Variants in PRKRA observed in about 807,000 individuals in gnomAD.
The protein encoded by PRKRA is interferon-inducible double-stranded RNA-dependent protein kinase activator A.
Under a neutral mutation model 32.4 loss-of-function variants are expected in PRKRA, and 22 were observed. The ratio of observed to expected loss-of-function variants is 0.68; its 90% CI spans 0.49 to 0.97. PRKRA has a LOEUF of 0.97. Ranked by LOEUF, PRKRA falls within the 50% of genes least tolerant of loss-of-function variation. The probability of loss-of-function intolerance (pLI) is 0.00; values close to 1 mark genes in which losing one functional copy is unlikely to be tolerated. For missense variants in PRKRA, 319 were observed against 375.6 expected, an observed-to-expected ratio of 0.85 and a Z score of 1.25; for synonymous variants, 139 against 129.8, an observed-to-expected ratio of 1.07 and a Z score of -0.48.
At chr2:178,448,509 A>C (rs982751207) in intron 2 of PRKRA, among the ~76,000 whole-genome samples, 9 of 152,284 alleles carry the variant, frequency 5.9e-5, no homozygotes, top group Admixed American at 1.3e-4. Context: ...AACAAGCCTA[A>C]GTGCAGGCTG....
chr2:178,450,512 CG>C, intron 1 of PRKRA, 101 bp from the exon 2 acceptor site: 1 of 1,418,300 alleles, frequency 7.1e-7, no homozygotes, highest in Non-Finnish European at 9.5e-7. Flanking sequence ...ACGAGGGAGG[CG>C]CCGAGTTCCC....
intron 1 of PRKRA, 67 bp downstream of exon 1, chr2:178,450,899 C>T (rs1181173630): frequency 1.2e-5 from 18 of 1,507,540 alleles, no homozygotes; most frequent in Non-Finnish European, 8.8e-7. Context: ...GGAGGGCCGG[C>T]TCCCCGCGCC....
In PRKRA at chr2:178,450,382, C is replaced by T. The variant is rs1265889947; in HGVS notation, c.95G>A (p.Gly32Glu). ...GTGTAATACCTGAATCGGTGTTTTC[C>T]CTGGCTTAGCTGTTATCATCTTCCC... ...SLGKMITAKP[G>E]KTPIQVLHEY... is the part of the protein sequence containing the mutation. The change falls in exon 2 of 8, where the codon GGG (glycine) becomes GAG (glutamate). Residue 32 changes from glycine (G) to glutamate (E), a missense_variant. Gly to Glu is a moderately conservative substitution (Grantham distance 98). Transcript: ENST00000325748. 1 of 1,614,250 alleles carries T rather than the reference C, an allele frequency of 6.2e-7. No homozygotes were observed. Among genetic ancestry groups the T allele is most frequent in the Non-Finnish European group, 8.5e-7 (1 of 1,180,042 alleles).
At chr2:178,439,454 T>G (rs979333026) in intron 6 of PRKRA, 2 of 152,246 alleles carry the variant, frequency 1.3e-5, no homozygotes, top group African/African-American at 4.8e-5. Context: ...ATTGATTTTG[T>G]ATATTAATTT....
At chr2:178,441,475 A>G (rs1330005952) in intron 6 of PRKRA, 135 bp downstream of exon 6, 4 of 724,652 alleles carry the variant, frequency 5.5e-6, no homozygotes, top group Non-Finnish European at 9.4e-6. Context: ...AAAATGGGGT[A>G]GGGTATAACT....
intron 1 of PRKRA, 29 bp from the exon 2 acceptor site, chr2:178,450,440 G>A (rs911912217): frequency 6.2e-7 from 1 of 1,614,046 alleles, no homozygotes. Flanking sequence ...GGTGTGCTTT[G>A]CATGCCAAAT....
rs760658905 is a variant in PRKRA, at chr2:178,447,600, TA to T, written c.236-15del. The T allele has an allele frequency of 2.5e-6, 2 of 794,736 alleles. No homozygotes were observed. The highest frequency in any genetic ancestry group is 3.7e-5 in the Admixed American group (1 of 27,044). The allele number at this position is 794,736 out of a possible 1,614,324, so 49.2% of individuals were successfully genotyped here. A position where few individuals can be genotyped will look rare whatever the true frequency, so the allele number is the denominator to read the frequency against. On this transcript the variant is annotated splice_polypyrimidine_tract_variant and intron_variant, in intron 2 of 7. Transcript: ENST00000325748. ...TTGTACCTTCACCTGAATTAAGATTTAAAAAAAGAAGTCTTTATCTCCCACA... is the reference window on the plus strand; with the variant it reads ...TTGTACCTTCACCTGAATTAAGATTTAAAAAAGAAGTCTTTATCTCCCACA...
intron 3 of PRKRA, 55 bp from the exon 4 acceptor site, chr2:178,444,555 A>G: frequency 9.6e-7 from 1 of 1,043,902 alleles, no homozygotes; most frequent in Non-Finnish European, 1.3e-6. Context: ...GAATTATGAA[A>G]TAAATGACAA....
At chr2:178,447,697 T>C in intron 2 of PRKRA, 111 bp from the exon 3 acceptor site, 1 of 1,183,668 alleles carries the variant, frequency 8.4e-7, no homozygotes, top group Non-Finnish European at 1.2e-6. Context: ...ATACACATAC[T>C]AGGTAATAAA....
At chr2:178,433,723 A>C in intron 7 of PRKRA, 1 of 152,140 alleles carries the variant, frequency 6.6e-6, no homozygotes, top group East Asian at 1.9e-4. Flanking sequence ...CCTGGGTTCC[A>C]GCGATGCTCA....
rs953440732 is a variant in PRKRA at position 178,450,662 on chromosome 2, C to G, written c.66-251G>C. 8.4e-6 allele frequency: 12 copies of G among 1,433,308 alleles called. No individual in the cohort carries two copies. In the African/African-American group the frequency reaches 1.7e-4, roughly 21 times the overall value. 88.8% of individuals were successfully genotyped at this position (1,433,308 alleles called of 1,614,324 possible). A position where few individuals can be genotyped will look rare whatever the true frequency, so the allele number is the denominator to read the frequency against. On this transcript the variant is annotated intron_variant, in intron 1 of 7. Coordinates refer to ENST00000325748, the MANE Select transcript of PRKRA (RefSeq NM_003690.5). ...GAATGCGGGTAGGAGAGATTCTCAA[C>G]AGAACAGGGCTGGCAGCAGCGCCGC...
At chr2:178,450,671 G>A (rs1289498710) in intron 1 of PRKRA, 2 of 1,425,018 alleles carry the variant, frequency 1.4e-6, no homozygotes, top group South Asian at 1.6e-5. Context: ...ACAGAACAGG[G>A]CTGGCAGCAG....
In PRKRA at chr2:178,446,080, T is replaced by C. The variant is rs1286083610; in HGVS notation, c.317+1425A>G. 2.6e-5 allele frequency among the ~76,000 whole-genome samples: 4 copies of C among 151,804 alleles called. No homozygotes were observed. In the East Asian group the frequency reaches 5.8e-4, roughly 22 times the overall value. ...CACAGGCTGGAGTGCAGGGGCACAATCTTAGCTTACTGCAATCTCCGCCTC... is the reference window on the plus strand; with the variant it reads ...CACAGGCTGGAGTGCAGGGGCACAACCTTAGCTTACTGCAATCTCCGCCTC... On this transcript the variant is annotated intron_variant, in intron 3 of 7. Coordinates refer to ENST00000325748, the MANE Select transcript of PRKRA (RefSeq NM_003690.5).
In PRKRA at chr2:178,436,334, T is replaced by G; in HGVS notation, c.610-15A>C. 6.2e-7 allele frequency: 1 copy of G among 1,609,682 alleles called. No individual in the cohort carries two copies. The highest frequency in any genetic ancestry group is 2.2e-5 in the East Asian group (1 of 44,688). On this transcript the variant is annotated splice_polypyrimidine_tract_variant and intron_variant, in intron 6 of 7. Transcript: ENST00000325748. The stretch of plus-strand genomic sequence containing the variant: ...ACTACATTTGTCTGAAAAACAGAGA[T>G]GAAGATTTAGACTCTTGACTAGGAC...
At chr2:178,438,613 T>C (rs1696995540) in intron 6 of PRKRA, among the ~76,000 whole-genome samples, 1 of 152,170 alleles carries the variant, frequency 6.6e-6, no homozygotes, top group Non-Finnish European at 1.5e-5. Context: ...TTCTTGGCTA[T>C]TCTTGAGGGT....
chr2:178,440,193 AATGCAGTGTTTTAT>A (rs1277797891), intron 6 of PRKRA: 1 of 152,198 alleles, frequency 6.6e-6, no homozygotes, highest in African/African-American at 2.4e-5. Context: ...AAAAGCAGTA[AATGCAGTGTTTTAT>A]ATTTTTCTAT....
Position 178,441,620 on chromosome 2 carries a change from T to C in PRKRA, c.599A>G (p.His200Arg). ...AKFSNISPEN[H>R]ISLTNVVGHS... ...GTCAACATTACTCACTAAAGAAATGTGGTTCTCTGGAGAAATATTACTAAA... is the reference window on the plus strand; with the variant it reads ...GTCAACATTACTCACTAAAGAAATGCGGTTCTCTGGAGAAATATTACTAAA... The change falls in exon 6 of 8, where the codon CAC becomes CGC. Residue 200 changes from histidine (H) to arginine (R), a missense_variant. His to Arg is a conservative substitution (Grantham distance 29, BLOSUM62 0). Coordinates refer to ENST00000325748, the MANE Select transcript of PRKRA (RefSeq NM_003690.5). 5 of 1,596,918 alleles carry C rather than the reference T, an allele frequency of 3.1e-6. No individual in the cohort carries two copies. The highest frequency in any genetic ancestry group is 1.1e-5 in the South Asian group (1 of 90,656).
chr2:178,447,104 C>T (rs1575098737), intron 3 of PRKRA, among the ~76,000 whole-genome samples: 1 of 150,980 alleles, frequency 6.6e-6, no homozygotes, highest in South Asian at 2.1e-4. Context: ...AAGAAAACCT[C>T]TGCCTGCTTC....
chr2:178,431,842 A>C lies in PRKRA; in HGVS notation c.*255T>G. ...CATGCAGTTTCTTTCTCTGATGTGC[A>C]TGGCACTGTAAAATGGGTGCTACAC... On this transcript the variant is annotated 3_prime_UTR_variant, in exon 8 of 8. Coordinates refer to ENST00000325748, the MANE Select transcript of PRKRA (RefSeq NM_003690.5). 1 of 526,326 alleles carries C rather than the reference A, an allele frequency of 1.9e-6. No individual in the cohort carries two copies. The highest frequency in any genetic ancestry group is 2.1e-5 in the South Asian group (1 of 46,530). The allele number at this position is 526,326 out of a possible 1,614,324, so 32.6% of individuals were successfully genotyped here.
Sources: gnomAD v4.1 joint callset for allele counts (sites outside exome capture counted in the v4.1 genomes callset) on GRCh38, gnomAD v4.1.1 for gene constraint, MANE v1.5 for transcripts, NCBI Gene and HGNC (gene_info 2026-07-23, HGNC 2026-07-21) for gene names.